Variants in TBCK observed in about 807,000 individuals in gnomAD.
TBCK encodes the protein TBC domain-containing protein kinase-like protein.
Under a neutral mutation model 113.4 loss-of-function variants are expected in TBCK, and 99 were observed. The ratio of observed to expected loss-of-function variants is 0.87; its 90% confidence interval spans 0.74 to 1.03. The LOEUF is 1.03. Among genes scored for constraint, TBCK ranks in the 50% least tolerant of loss-of-function variants. The pLI is 0.00. For synonymous variants in TBCK, 369 were observed against 370.8 expected, an observed-to-expected ratio of 1.00 and a Z score of 0.05; for missense variants, 1,045 against 1,061.3, an observed-to-expected ratio of 0.98 and a Z score of 0.21.
chr4:106,255,179 A>G (rs958900584), intron 5 of TBCK: 1 of 154,800 alleles, frequency 6.5e-6, no homozygotes, highest in Non-Finnish European at 1.4e-5. Flanking sequence ...ATGTCTCTCA[A>G]AAAGATTTAT....
intron 20 of TBCK, among the ~76,000 whole-genome samples, chr4:106,205,632 G>A (rs1190992642): frequency 6.9e-6 from 1 of 145,974 alleles, no homozygotes; most frequent in Non-Finnish European, 1.5e-5. Context: ...CAGGCATGGT[G>A]GCAAACACCT....
At chr4:106,156,589 A>C (rs772811583) in intron 23 of TBCK, among the ~76,000 whole-genome samples, 2 of 152,226 alleles carry the variant, frequency 1.3e-5, no homozygotes, top group Non-Finnish European at 2.9e-5. Flanking sequence ...CATGAGACAC[A>C]GTATTTCCCA....
rs1179233724 is a variant in TBCK at position 106,042,376 on chromosome 4, T to C, written c.*4194A>G. The C allele has an allele frequency of 6.6e-6, 1 of 152,178 alleles. No homozygotes were observed. Among genetic ancestry groups the C allele is most frequent in the Non-Finnish European group, 1.5e-5 (1 of 68,052 alleles). 9.4% of individuals were successfully genotyped at this position (152,178 alleles called of 1,614,324 possible). A position where few individuals can be genotyped will look rare whatever the true frequency, so the allele number is the denominator to read the frequency against. Reference sequence around the variant, plus strand: ...TGCATAAGATTTTTTTTTTTCTTTTTTGAGACGGAGTCTCACTCTGTCTCC... The same window carrying C: ...TGCATAAGATTTTTTTTTTTCTTTTCTGAGACGGAGTCTCACTCTGTCTCC... On this transcript the variant is annotated 3_prime_UTR_variant, in exon 26 of 26. Transcript: ENST00000394708.
At chr4:106,144,733 A>AT (rs1473183658) in intron 23 of TBCK, among the ~76,000 whole-genome samples, 1 of 148,840 alleles carries the variant, frequency 6.7e-6, no homozygotes, top group African/African-American at 2.6e-5. Context: ...ACTTGTTCAT[A>AT]TTTTTTTGGG....
At chr4:106,164,804 A>T (rs1750180587) in intron 23 of TBCK, among the ~76,000 whole-genome samples, 1 of 151,688 alleles carries the variant, frequency 6.6e-6, no homozygotes, top group South Asian at 2.1e-4. Context: ...TGGCATTTAT[A>T]TTTGAATTTT....
chr4:106,104,425 A>G (rs1430817947), intron 24 of TBCK, among the ~76,000 whole-genome samples: 1 of 152,264 alleles, frequency 6.6e-6, no homozygotes, highest in East Asian at 1.9e-4. Context: ...TCAGAGCAGA[A>G]GGAATCCCAC....
At chr4:106,083,372 G>A (rs971564024) in intron 25 of TBCK, among the ~76,000 whole-genome samples, 2 of 152,168 alleles carry the variant, frequency 1.3e-5, no homozygotes, top group African/African-American at 2.4e-5. Flanking sequence ...CTCAGTGGGC[G>A]GGGCTTCCCT....
chr4:106,261,577 G>GT (rs1273460039), intron 4 of TBCK, among the ~76,000 whole-genome samples: 13 of 152,170 alleles, frequency 8.5e-5, no homozygotes, highest in Admixed American at 8.5e-4. Context: ...TCTTTGAAGG[G>GT]TTTACAAGCT....
At chr4:106,089,037 C>CTT (rs59250305) in intron 25 of TBCK, among the ~76,000 whole-genome samples, 116 of 147,228 alleles carry the variant, frequency 7.9e-4, no homozygotes, top group Admixed American at 1.3e-3. Flanking sequence ...TACATGTATC[C>CTT]TTTTTTTTTT....
chr4:106,121,551 C>A (rs1578964224), intron 23 of TBCK, among the ~76,000 whole-genome samples: 1 of 151,860 alleles, frequency 6.6e-6, no homozygotes, highest in East Asian at 1.9e-4. Context: ...AACTCTCCAC[C>A]CTAAATCAAC....
chr4:106,184,944 G>T (rs1160885007), intron 22 of TBCK, among the ~76,000 whole-genome samples: 1 of 152,014 alleles, frequency 6.6e-6, no homozygotes, highest in Non-Finnish European at 1.5e-5. Flanking sequence ...TTGATGCAAA[G>T]TATCTGTATC....
At chr4:106,209,958 C>A (rs1170669509) in intron 20 of TBCK, among the ~76,000 whole-genome samples, 2 of 152,078 alleles carry the variant, frequency 1.3e-5, no homozygotes, top group African/African-American at 2.4e-5. Flanking sequence ...TTTGTTCTAT[C>A]CTGCACCCCT....
intron 24 of TBCK, among the ~76,000 whole-genome samples, chr4:106,100,288 A>C (rs1364022596): frequency 7.9e-6 from 1 of 125,930 alleles, no homozygotes; most frequent in Non-Finnish European, 1.9e-5. Flanking sequence ...ATATTTGGTG[A>C]GTAAATGAAT....
chr4:106,221,065 C>T (rs768795615), intron 19 of TBCK, among the ~76,000 whole-genome samples: 14 of 152,302 alleles, frequency 9.2e-5, no homozygotes, highest in Non-Finnish European at 2.1e-4. Flanking sequence ...AAAATAATTA[C>T]TATGTAAAAT....
chr4:106,256,066 C>T (rs1205317623), intron 5 of TBCK, among the ~76,000 whole-genome samples: 2 of 152,196 alleles, frequency 1.3e-5, no homozygotes, highest in Non-Finnish European at 2.9e-5. Context: ...CTGCTCAAGT[C>T]TGGCTGAGTC....
chr4:106,286,319 A>G (rs1309106283), intron 3 of TBCK, among the ~76,000 whole-genome samples: 1 of 152,164 alleles, frequency 6.6e-6, no homozygotes, highest in African/African-American at 2.4e-5. Flanking sequence ...ATGTGCTTCC[A>G]TCTACACTAT....
chr4:106,187,036 T>C (rs964153111), intron 22 of TBCK, among the ~76,000 whole-genome samples: 2 of 152,194 alleles, frequency 1.3e-5, no homozygotes, highest in South Asian at 2.1e-4. Context: ...TTGTTGAAGA[T>C]TAGATGGCTG....
In TBCK at chr4:106,230,359, T is replaced by A; in HGVS notation, c.1774+4A>T. On this transcript the variant is annotated splice_donor_region_variant and intron_variant, in intron 19 of 25. Coordinates refer to ENST00000394708, the MANE Select transcript of TBCK (RefSeq NM_001163435.3). ...GTAGAAAGACATGGAAGACATTTGC[T>A]TACCTTGTATTACATGTGAGTTGTC... 6.4e-7 allele frequency: 1 copy of A among 1,557,048 alleles called. No homozygotes were observed.
intron 24 of TBCK, among the ~76,000 whole-genome samples, chr4:106,100,015 T>A (rs1457554816): frequency 1.3e-5 from 2 of 152,196 alleles, no homozygotes; most frequent in African/African-American, 4.8e-5. Context: ...CCAATATGTT[T>A]TCTATCTCCT....
Sources: allele counts gnomAD v4.1 joint callset (sites outside exome capture counted in the v4.1 genomes callset), GRCh38; gene constraint gnomAD v4.1.1; transcripts MANE v1.5; gene names NCBI Gene and HGNC (gene_info 2026-07-23, HGNC 2026-07-21).